HS3ST4: variants seen among roughly 807,000 people sequenced by gnomAD.
The protein encoded by HS3ST4 is heparan sulfate glucosamine 3-O-sulfotransferase 4.
HS3ST4 carries 17 observed loss-of-function variants against 29.2 expected under a neutral mutation model. The observed-to-expected ratio is 0.58, with a 90% CI of 0.40 to 0.87. HS3ST4 has a LOEUF of 0.87. HS3ST4 is among the 40% of genes least tolerant of loss of function. The pLI is 0.00. For synonymous variants in HS3ST4, 314 were observed against 285.7 expected (o/e 1.10, Z -1.00); for missense variants, 627 against 634.5 (o/e 0.99, Z 0.13).
chr16:25,932,915 A>G (rs532210669), intron 1 of HS3ST4, among the ~76,000 whole-genome samples: 15 of 152,314 alleles, frequency 9.8e-5, no homozygotes, highest in Admixed American at 5.9e-4. Flanking sequence ...TAGAAGTGGG[A>G]AGAGAGAGCG....
chr16:26,116,638 A>T (rs1899205118), intron 1 of HS3ST4, among the ~76,000 whole-genome samples: 2 of 152,204 alleles, frequency 1.3e-5, no homozygotes, highest in African/African-American at 4.8e-5. Flanking sequence ...AGAGATTGAG[A>T]TATATATTCA....
chr16:25,850,866 T>A (rs1236146681), intron 1 of HS3ST4, among the ~76,000 whole-genome samples: 1 of 152,294 alleles, frequency 6.6e-6, no homozygotes, highest in East Asian at 1.9e-4. Context: ...TGGGAGAGGA[T>A]GAAAAAGGAA....
At chr16:25,970,807 C>T (rs1208791420) in intron 1 of HS3ST4, among the ~76,000 whole-genome samples, 2 of 152,086 alleles carry the variant, frequency 1.3e-5, no homozygotes, top group Middle Eastern at 3.4e-3. Flanking sequence ...TTCATTCATT[C>T]CTTTCACAGG....
At position 25,692,544 on chromosome 16, in the gene HS3ST4, C is replaced by T. The variant is rs1326954735; in HGVS notation, c.127C>T (p.Leu43=). The change falls in exon 1 of 2, where the codon CTG becomes TTG. Residue 43 remains leucine (L), a synonymous_variant. Transcript: ENST00000331351. Reference sequence around the variant, plus strand: ...GCTGCTTTTTATGTGCACCTTGTCCCTGTCTGTCACCTACCTGTGCTACAG... The same window carrying T: ...GCTGCTTTTTATGTGCACCTTGTCCTTGTCTGTCACCTACCTGTGCTACAG... ...RKLLFMCTLS[L]SVTYLCYSLL... is the part of the protein sequence containing the mutation. 3 of 1,453,496 alleles carry T rather than the reference C, an allele frequency of 2.1e-6. No individual in the cohort carries two copies. The highest frequency in any genetic ancestry group is 2.7e-6 in the Non-Finnish European group (3 of 1,093,632). The allele number at this position is 1,453,496 out of a possible 1,614,324, so 90.0% of individuals were successfully genotyped here.
chr16:25,753,815 A>T (rs1966737616), intron 1 of HS3ST4, among the ~76,000 whole-genome samples: 1 of 152,100 alleles, frequency 6.6e-6, no homozygotes, highest in Admixed American at 6.6e-5. Flanking sequence ...TTAATTGCTT[A>T]TTTCTTCTGT....
intron 1 of HS3ST4, among the ~76,000 whole-genome samples, chr16:25,758,988 A>AAC (rs1555464363): frequency 6.0e-5 from 9 of 150,376 alleles, no homozygotes; most frequent in East Asian, 2.0e-4. Flanking sequence ...ACAAAAAAAA[A>AAC]CCCCAGAAAA....
chr16:25,808,908 A>G (rs1967015582), intron 1 of HS3ST4, among the ~76,000 whole-genome samples: 2 of 152,122 alleles, frequency 1.3e-5, no homozygotes, highest in Admixed American at 6.5e-5. Context: ...CTACATGCCC[A>G]TTGTTAGTAT....
intron 1 of HS3ST4, among the ~76,000 whole-genome samples, chr16:25,794,133 T>C (rs1288714425): frequency 6.6e-6 from 1 of 152,108 alleles, no homozygotes; most frequent in Non-Finnish European, 1.5e-5. Flanking sequence ...TTTTGAATTA[T>C]TACTGCTTAA....
chr16:25,930,962 C>T (rs1241257767), intron 1 of HS3ST4, among the ~76,000 whole-genome samples: 5 of 152,088 alleles, frequency 3.3e-5, no homozygotes, highest in East Asian at 3.9e-4. Context: ...TTTATAGAGA[C>T]GGGGTCTCAC....
chr16:25,784,653 G>T (rs1185878131), intron 1 of HS3ST4, among the ~76,000 whole-genome samples: 1 of 152,168 alleles, frequency 6.6e-6, no homozygotes, highest in African/African-American at 2.4e-5. Context: ...AGGTGAGAAA[G>T]CTGTAGAAGA....
At chr16:26,051,920 T>C (rs866337471) in intron 1 of HS3ST4, among the ~76,000 whole-genome samples, 9 of 118,746 alleles carry the variant, frequency 7.6e-5, no homozygotes, top group South Asian at 3.1e-4. Context: ...CTCCCTTCCT[T>C]CCTTCCTTCC....
At chr16:26,050,234 T>C (rs1281408753) in intron 1 of HS3ST4, among the ~76,000 whole-genome samples, 4 of 152,172 alleles carry the variant, frequency 2.6e-5, no homozygotes, top group Admixed American at 2.6e-4. Flanking sequence ...GACATCACTT[T>C]GGAGATCCTA....
intron 1 of HS3ST4, among the ~76,000 whole-genome samples, chr16:25,923,888 C>T (rs1354898929): frequency 6.6e-6 from 1 of 152,194 alleles, no homozygotes; most frequent in African/African-American, 2.4e-5. Flanking sequence ...TTGGCATTTT[C>T]TGGGACTGTG....
intron 1 of HS3ST4, among the ~76,000 whole-genome samples, chr16:26,067,333 A>C (rs1485026149): frequency 2.6e-5 from 4 of 152,120 alleles, no homozygotes; most frequent in Non-Finnish European, 5.9e-5. Flanking sequence ...TGAATGCATA[A>C]TCTGAGCGCT....
At chr16:25,888,909 A>G (rs2141667783) in intron 1 of HS3ST4, among the ~76,000 whole-genome samples, 1 of 152,290 alleles carries the variant, frequency 6.6e-6, no homozygotes, top group Admixed American at 6.5e-5. Context: ...ATCAGCTTCC[A>G]TGGTTCCAAA....
At chr16:25,872,381 A>T (rs756759945) in intron 1 of HS3ST4, among the ~76,000 whole-genome samples, 1 of 152,102 alleles carries the variant, frequency 6.6e-6, no homozygotes, top group Non-Finnish European at 1.5e-5. Flanking sequence ...GCTTATAATG[A>T]TAACCATTTT....
At position 25,979,543 on chromosome 16, in the gene HS3ST4, A is replaced by T. The variant is rs1252292771; in HGVS notation, c.735-156069A>T. On this transcript the variant is annotated intron_variant, in intron 1 of 1. Transcript: ENST00000331351. ...GCTCCTTATGAGAATCAGATGCCCCATGATCTGTCACTGTCTCCTATCATC... is the reference window on the plus strand; with the variant it reads ...GCTCCTTATGAGAATCAGATGCCCCTTGATCTGTCACTGTCTCCTATCATC... Among the ~76,000 whole-genome samples, 5 of 152,342 alleles carry T rather than the reference A, an allele frequency of 3.3e-5. No individual in the cohort carries two copies. The East Asian group carries it at 9.6e-4, about 29-fold the overall frequency.
chr16:26,075,563 G>A (rs1024956074), intron 1 of HS3ST4, among the ~76,000 whole-genome samples: 4 of 152,202 alleles, frequency 2.6e-5, no homozygotes, highest in African/African-American at 9.6e-5. Context: ...TGCAGGATGT[G>A]GTCTTTTGCA....
intron 1 of HS3ST4, among the ~76,000 whole-genome samples, chr16:25,997,969 T>G (rs1269780280): frequency 6.6e-6 from 1 of 152,176 alleles, no homozygotes; most frequent in African/African-American, 2.4e-5. Context: ...GGCATGGTGA[T>G]TCATGCCAGT....
Sources: allele counts gnomAD v4.1 joint callset (sites outside exome capture counted in the v4.1 genomes callset), GRCh38; gene constraint gnomAD v4.1.1; transcripts MANE v1.5; gene names NCBI Gene and HGNC (gene_info 2026-07-23, HGNC 2026-07-21).